TEKTIP1: variants seen among roughly 807,000 people sequenced by gnomAD.
TEKTIP1 encodes the protein tektin bundle interacting protein 1.
chr19:3,539,489 C>T, the TEKTIP1 span: 14 of 536,446 alleles, frequency 2.6e-5, no homozygotes, highest in South Asian at 2.4e-4. Context: ...TGTCTGCGGC[C>T]GTCTCCAAGG....
chr19:3,540,871 CAAAA>C, the TEKTIP1 span, among the ~76,000 whole-genome samples: 20 of 61,056 alleles, frequency 3.3e-4, no homozygotes, highest in Non-Finnish European at 4.6e-4. Flanking sequence ...AACTCCATCT[CAAAA>C]AAAAAAAAAA....
At chr19:3,539,844 C>T in the TEKTIP1 span, 1 of 152,894 alleles carries the variant, frequency 6.5e-6, no homozygotes, top group African/African-American at 2.4e-5. Context: ...TGGGGGTATA[C>T]CAGTCACCCC....
At chr19:3,539,363 C>G in the TEKTIP1 span, 3 of 701,354 alleles carry the variant, frequency 4.3e-6, no homozygotes, top group Non-Finnish European at 7.5e-6. Flanking sequence ...ACGTGTCACT[C>G]GTTATTCCTA....
chr19:3,542,500 G>C, the TEKTIP1 span: 3 of 978,106 alleles, frequency 3.1e-6, no homozygotes, highest in Non-Finnish European at 3.6e-6. Context: ...TTGAGACAGA[G>C]TCTCACTCTG....
chr19:3,543,736 G>A, the TEKTIP1 span: 2 of 1,495,836 alleles, frequency 1.3e-6, no homozygotes, highest in Non-Finnish European at 1.8e-6. Flanking sequence ...GGCCACCTAG[G>A]CCAGGGTGAA....
At chr19:3,543,645 T>C in the TEKTIP1 span, 3 of 1,543,912 alleles carry the variant, frequency 1.9e-6, no homozygotes, top group African/African-American at 1.4e-5. Context: ...GGGAGCGCGC[T>C]GTGGAAAGAC....
At chr19:3,542,496 CAG>C in the TEKTIP1 span, 12 of 978,846 alleles carry the variant, frequency 1.2e-5, no homozygotes, top group South Asian at 3.8e-4. Flanking sequence ...GTTTTTGAGA[CAG>C]AGTCTCACTC....
the TEKTIP1 span, chr19:3,539,904 G>A: frequency 6.6e-6 from 1 of 152,174 alleles, no homozygotes; most frequent in African/African-American, 2.4e-5. Flanking sequence ...ATACTATGCA[G>A]CCATGAAAAA....
the TEKTIP1 span, chr19:3,542,771 C>T: frequency 7.3e-7 from 1 of 1,362,406 alleles, no homozygotes; most frequent in South Asian, 1.1e-5. Context: ...GCGTGAGCCA[C>T]ACACCTGGCC....
the TEKTIP1 span, chr19:3,540,084 CTTTTCTTTTTTTTT>C: frequency 7.6e-6 from 1 of 132,100 alleles, no homozygotes; most frequent in South Asian, 2.4e-4. Flanking sequence ...AGACCCATCT[CTTTTCTTTTTTTTT>C]TTTTTTTTTT....
chr19:3,542,923 C>G, the TEKTIP1 span: 2 of 1,451,268 alleles, frequency 1.4e-6, no homozygotes, highest in Non-Finnish European at 1.9e-6. Context: ...TGTAGGAATC[C>G]AGGAGTAGCC....
the TEKTIP1 span, among the ~76,000 whole-genome samples, chr19:3,540,505 C>T: frequency 6.6e-6 from 1 of 151,698 alleles, no homozygotes; most frequent in Non-Finnish European, 1.5e-5. Context: ...ATCTGCCCTC[C>T]TTGGCCTCCC....
chr19:3,543,163 G>A, the TEKTIP1 span: 1 of 1,517,498 alleles, frequency 6.6e-7, no homozygotes, highest in South Asian at 1.2e-5. Context: ...ATCCACCCTG[G>A]CAGACATCGC....
At chr19:3,539,383 T>A in the TEKTIP1 span, 13 of 643,378 alleles carry the variant, frequency 2.0e-5, no homozygotes, top group Non-Finnish European at 3.6e-5. Context: ...AAAAGGCTCA[T>A]GTGTGTGACG....
the TEKTIP1 span, chr19:3,543,067 C>T: frequency 6.3e-7 from 1 of 1,593,672 alleles, no homozygotes; most frequent in South Asian, 1.1e-5. Context: ...CAAGCACCCA[C>T]TCTGGGGTGA....
At chr19:3,539,438 C>CTGTGGGGGCTACA in the TEKTIP1 span, 1 of 585,808 alleles carries the variant, frequency 1.7e-6, no homozygotes, top group Non-Finnish European at 3.1e-6. Context: ...TGGCCGCTCA[C>CTGTGGGGGCTACA]TGTGGGGGCT....
At chr19:3,540,936 C>T in the TEKTIP1 span, among the ~76,000 whole-genome samples, 11 of 151,466 alleles carry the variant, frequency 7.3e-5, no homozygotes, top group East Asian at 5.9e-4. Flanking sequence ...TTTGGGAGGC[C>T]GAGGCGGGTG....
chr19:3,539,255 GTACAGGTGAGCCCCTCCC>G, the TEKTIP1 span: 830 of 1,547,776 alleles, frequency 5.4e-4, 1 homozygote, highest in African/African-American at 3.7e-3. Context: ...CAGCACCGCT[GTACAGGTGAGCCCCTCCC>G]TACAGGTGAG....
the TEKTIP1 span, chr19:3,543,618 C>T: frequency 5.2e-6 from 8 of 1,544,250 alleles, no homozygotes; most frequent in South Asian, 3.6e-5. Context: ...CAGTACCAGG[C>T]CCCCAGCACC....
Sources: gnomAD v4.1 joint callset for allele counts (sites outside exome capture counted in the v4.1 genomes callset) on GRCh38, gnomAD v4.1.1 for gene constraint, MANE v1.5 for transcripts, NCBI Gene and HGNC (gene_info 2026-07-23, HGNC 2026-07-21) for gene names.